HOPX: variants seen among roughly 807,000 people sequenced by gnomAD.
HOPX encodes HOP homeobox, also known as homeodomain-only protein.
A neutral mutation model predicts 11.8 loss-of-function variants in HOPX; 5 were observed. The ratio of observed to expected loss-of-function variants is 0.43; its 90% CI spans 0.22 to 0.89. The LOEUF (loss-of-function observed/expected upper bound fraction) is 0.89, where lower values mean the gene tolerates loss of function less well. Ranked by LOEUF, HOPX falls within the 40% of genes least tolerant of loss-of-function variation. The pLI, the probability that HOPX is intolerant of heterozygous loss-of-function variation, is 0.28. For synonymous variants in HOPX, 49 were observed against 49.7 expected (o/e 0.99, Z 0.06); for missense variants, 119 against 120.0 (o/e 0.99, Z 0.04).
intron 2 of HOPX, 26 bp from the exon 3 acceptor site, chr4:56,656,038 G>T: frequency 6.5e-7 from 1 of 1,541,070 alleles, no homozygotes; most frequent in African/African-American, 1.4e-5. Flanking sequence ...AAGCGGCGGC[G>T]GTGAGCGAGG....
intron 1 of HOPX, among the ~76,000 whole-genome samples, chr4:56,670,802 G>T (rs1421223996): frequency 6.6e-6 from 1 of 152,146 alleles, no homozygotes; most frequent in East Asian, 1.9e-4. Flanking sequence ...TTCGAGACCA[G>T]CCTGACCAAC....
At chr4:56,658,199 C>G (rs1208305359) in intron 1 of HOPX, among the ~76,000 whole-genome samples, 2 of 152,182 alleles carry the variant, frequency 1.3e-5, no homozygotes, top group African/African-American at 4.8e-5. Context: ...ATATTAATTT[C>G]TAAACTGACT....
chr4:56,671,166 A>G (rs1255659497), intron 1 of HOPX, among the ~76,000 whole-genome samples: 2 of 152,026 alleles, frequency 1.3e-5, no homozygotes, highest in African/African-American at 4.8e-5. Context: ...ATGTGACATC[A>G]TGATTGGTTT....
At chr4:56,672,638 TTGAGATGGAGTCTCACC>T (rs1352116157) in intron 1 of HOPX, 1 of 152,032 alleles carries the variant, frequency 6.6e-6, no homozygotes, top group African/African-American at 2.4e-5. Context: ...TTATTATTAC[TTGAGATGGAGTCTCACC>T]TGTCTATTTT....
chr4:56,648,859 C>T, intron 3 of HOPX, 62 bp from the exon 4 acceptor site: 1 of 1,324,708 alleles, frequency 7.5e-7, no homozygotes. Flanking sequence ...TGCCTGTTCC[C>T]TTTCTAAAAG....
chr4:56,660,765 A>G (rs1718071017), intron 1 of HOPX, among the ~76,000 whole-genome samples: 2 of 152,208 alleles, frequency 1.3e-5, no homozygotes, highest in Non-Finnish European at 2.9e-5. Context: ...AGATATATGT[A>G]ATGTACATGC....
chr4:56,671,982 G>A (rs1215384551), intron 1 of HOPX, among the ~76,000 whole-genome samples: 2 of 151,932 alleles, frequency 1.3e-5, no homozygotes, highest in African/African-American at 4.8e-5. Context: ...GTTTATGAAT[G>A]GCACTATAAA....
At chr4:56,661,815 T>C (rs1037172026) in intron 1 of HOPX, among the ~76,000 whole-genome samples, 1 of 152,230 alleles carries the variant, frequency 6.6e-6, no homozygotes, top group African/African-American at 2.4e-5. Context: ...GTGAGAGTTA[T>C]GGACTCTGTT....
intron 2 of HOPX, among the ~76,000 whole-genome samples, chr4:56,657,398 G>A (rs1717821475): frequency 6.6e-6 from 1 of 152,184 alleles, no homozygotes; most frequent in South Asian, 2.1e-4. Flanking sequence ...TTGTGCCTGG[G>A]ATGAGCCACA....
chr4:56,651,804 A>G (rs1445148614), intron 3 of HOPX, among the ~76,000 whole-genome samples: 1 of 151,986 alleles, frequency 6.6e-6, no homozygotes, highest in Non-Finnish European at 1.5e-5. Flanking sequence ...AGACCTCCCT[A>G]AGAACCAATT....
At chr4:56,669,395 G>A (rs772023305) in intron 1 of HOPX, among the ~76,000 whole-genome samples, 7 of 151,972 alleles carry the variant, frequency 4.6e-5, no homozygotes, top group Non-Finnish European at 8.8e-5. Context: ...AATAAAAGGA[G>A]TGCTATTAAT....
intron 1 of HOPX, among the ~76,000 whole-genome samples, chr4:56,662,202 G>A (rs906196478): frequency 1.3e-5 from 2 of 152,210 alleles, no homozygotes; most frequent in African/African-American, 4.8e-5. Flanking sequence ...CATGTAAACT[G>A]AAATAATGCG....
intron 3 of HOPX, chr4:56,650,670 A>G: frequency 6.4e-7 from 1 of 1,551,686 alleles, no homozygotes. Context: ...ACAGTTGTCA[A>G]GATCTTACAT....
chr4:56,666,621 C>A (rs1258096607), intron 1 of HOPX, among the ~76,000 whole-genome samples: 1 of 152,180 alleles, frequency 6.6e-6, no homozygotes, highest in Non-Finnish European at 1.5e-5. Context: ...GAAAGATGCT[C>A]ATAAAACTTA....
chr4:56,648,953 T>C, intron 3 of HOPX, 156 bp from the exon 4 acceptor site: 1 of 563,014 alleles, frequency 1.8e-6, no homozygotes, highest in East Asian at 2.8e-5. Flanking sequence ...TAAACTTTCC[T>C]GCCTCAGGAC....
chr4:56,680,067 G>A (rs1438897993), intron 1 of HOPX: 1 of 152,124 alleles, frequency 6.6e-6, no homozygotes, highest in Non-Finnish European at 1.5e-5. Context: ...CCACGTTGAA[G>A]GTTTTTAACT....
At chr4:56,653,932 T>C (rs1717439671) in intron 3 of HOPX, among the ~76,000 whole-genome samples, 1 of 152,212 alleles carries the variant, frequency 6.6e-6, no homozygotes, top group African/African-American at 2.4e-5. Flanking sequence ...TCTAATATCA[T>C]GTGAATCTTG....
chr4:56,679,891 T>C (rs1430222032), intron 1 of HOPX: 1 of 152,248 alleles, frequency 6.6e-6, no homozygotes, highest in Non-Finnish European at 1.5e-5. Context: ...CCCTGGACTT[T>C]AGATTTCAAG....
chr4:56,666,316 G>A (rs2109523709), intron 1 of HOPX, among the ~76,000 whole-genome samples: 1 of 152,366 alleles, frequency 6.6e-6, no homozygotes, highest in Non-Finnish European at 1.5e-5. Context: ...CTGGAGCTCA[G>A]TGATGATTGC....
Sources: gnomAD v4.1 joint callset for allele counts (sites outside exome capture counted in the v4.1 genomes callset) on GRCh38, gnomAD v4.1.1 for gene constraint, MANE v1.5 for transcripts, NCBI Gene and HGNC (gene_info 2026-07-23, HGNC 2026-07-21) for gene names.